Variants in NCK1 observed in about 807,000 individuals in gnomAD.
NCK1 encodes SH2/SH3 adapter protein NCK1.
In NCK1, 19 loss-of-function variants were observed where a neutral mutation model predicts 36.6. That is an observed-to-expected ratio of 0.52 (90% CI 0.36 to 0.76). NCK1 has a LOEUF of 0.76. NCK1 is among the 30% of genes least tolerant of loss of function. The probability of loss-of-function intolerance (pLI) is 0.00; values close to 1 mark genes in which losing one functional copy is unlikely to be tolerated. For missense variants in NCK1, 358 were observed against 445.6 expected (o/e 0.80, Z 1.77); for synonymous variants, 165 against 156.0 (o/e 1.06, Z -0.43).
rs796247962 is a variant in NCK1, at chr3:136,904,132, GT to G, written c.-18-23843del. 2.9e-3 allele frequency among the ~76,000 whole-genome samples: 435 copies of G among 150,826 alleles called. 3 individuals carry two copies. Among genetic ancestry groups the G allele is most frequent in the African/African-American group, 0.01 (416 of 41,080 alleles). On this transcript the variant is annotated intron_variant, in intron 1 of 3. Transcript: ENST00000481752. ...CTGGGTATAGTATCCTTGACTGACA[GT>G]TTTTTTTTCATTGAGCACTTTTTAA...
intron 1 of NCK1, among the ~76,000 whole-genome samples, chr3:136,917,752 C>T (rs534853456): frequency 3.3e-5 from 5 of 152,232 alleles, no homozygotes; most frequent in Non-Finnish European, 5.9e-5. Flanking sequence ...ACAGCACTTA[C>T]GAGTTAGAGG....
In NCK1 at chr3:136,863,365, C is replaced by T. The variant is rs559988767; in HGVS notation, c.-19+1012C>T. 3.3e-5 allele frequency among the ~76,000 whole-genome samples: 5 copies of T among 152,334 alleles called. No homozygotes were observed. In the South Asian group the frequency reaches 8.3e-4, roughly 25 times the overall value. ...CTTCAGCACCTGGAAACCAGTGTGC[C>T]TAGACTCTCAGCCTTCGGCGAGGTC... On this transcript the variant is annotated intron_variant, in intron 1 of 3. Coordinates refer to ENST00000481752, the MANE Select transcript of NCK1 (RefSeq NM_001291999.2).
At chr3:136,868,867 C>T (rs1393724323) in intron 1 of NCK1, among the ~76,000 whole-genome samples, 1 of 152,144 alleles carries the variant, frequency 6.6e-6, no homozygotes, top group African/African-American at 2.4e-5. Flanking sequence ...ACTGTAACAC[C>T]TTCACATTTT....
chr3:136,891,565 G>A lies in NCK1; in HGVS notation c.-19+29212G>A, dbSNP rs142391029. ...TGGGTTTGTATCCATAAGTGAAATT[G>A]CTGGATTGTATGGTAATTTTGTTTC... On this transcript the variant is annotated intron_variant, in intron 1 of 3. Coordinates refer to ENST00000481752, the MANE Select transcript of NCK1 (RefSeq NM_001291999.2). 3.9e-5 allele frequency among the ~76,000 whole-genome samples: 6 copies of A among 152,288 alleles called. 1 individual carries two copies. The East Asian group carries it at 7.7e-4, about 20-fold the overall frequency.
intron 1 of NCK1, among the ~76,000 whole-genome samples, chr3:136,914,042 G>T (rs1382531131): frequency 1.3e-5 from 2 of 152,176 alleles, no homozygotes. Context: ...CAAAAAGGGA[G>T]AAAGAGAAAA....
chr3:136,877,844 A>G (rs1553791158), intron 1 of NCK1, among the ~76,000 whole-genome samples: 1 of 152,158 alleles, frequency 6.6e-6, no homozygotes, highest in Non-Finnish European at 1.5e-5. Flanking sequence ...GGGTGGTGCT[A>G]AAAACAGGAG....
At chr3:136,877,528 TA>T (rs1235962488) in intron 1 of NCK1, among the ~76,000 whole-genome samples, 2 of 152,160 alleles carry the variant, frequency 1.3e-5, no homozygotes, top group Non-Finnish European at 2.9e-5. Context: ...GAATGAAGGC[TA>T]AAAATAATTG....
At chr3:136,898,320 C>G (rs1306009061) in intron 1 of NCK1, among the ~76,000 whole-genome samples, 1 of 150,998 alleles carries the variant, frequency 6.6e-6, no homozygotes, top group Non-Finnish European at 1.5e-5. Context: ...TCACTTGAAC[C>G]CGGGAGGCGG....
intron 1 of NCK1, among the ~76,000 whole-genome samples, chr3:136,923,314 G>GA (rs1370762981): frequency 3.8e-5 from 3 of 79,594 alleles, no homozygotes; most frequent in Non-Finnish European, 8.5e-5. Context: ...CCAGCACTTT[G>GA]GGAGGCCGAG....
At chr3:136,940,056 T>C (rs987863000) in intron 2 of NCK1, among the ~76,000 whole-genome samples, 1 of 151,994 alleles carries the variant, frequency 6.6e-6, no homozygotes, top group African/African-American at 2.4e-5. Context: ...AGAGACAAGG[T>C]CTCACCATCT....
At chr3:136,931,206 G>A (rs531366269) in intron 2 of NCK1, among the ~76,000 whole-genome samples, 42 of 152,184 alleles carry the variant, frequency 2.8e-4, no homozygotes, top group African/African-American at 9.6e-4. Flanking sequence ...TTGAGTTTGG[G>A]TCATGAAGTA....
intron 2 of NCK1, among the ~76,000 whole-genome samples, 182 bp from the exon 3 acceptor site, chr3:136,945,401 A>T (rs1940784624): frequency 6.6e-6 from 1 of 152,252 alleles, no homozygotes; most frequent in Non-Finnish European, 1.5e-5. Flanking sequence ...TTTGGTTAAG[A>T]AAAAGAAAAT....
At chr3:136,916,383 T>C (rs1226542283) in intron 1 of NCK1, among the ~76,000 whole-genome samples, 1 of 152,216 alleles carries the variant, frequency 6.6e-6, no homozygotes, top group Non-Finnish European at 1.5e-5. Context: ...GTTTTATGTA[T>C]GTGAACTCAC....
At chr3:136,933,778 C>T (rs1940452668) in intron 2 of NCK1, among the ~76,000 whole-genome samples, 1 of 152,192 alleles carries the variant, frequency 6.6e-6, no homozygotes, top group African/African-American at 2.4e-5. Flanking sequence ...CATCTCAGCT[C>T]ACTGCCACTT....
At chr3:136,911,689 T>G (rs1393380108) in intron 1 of NCK1, among the ~76,000 whole-genome samples, 1 of 152,238 alleles carries the variant, frequency 6.6e-6, no homozygotes, top group African/African-American at 2.4e-5. Context: ...GTGTGCTGTC[T>G]CTTCGCTTTG....
chr3:136,904,202 G>T (rs1939621254), intron 1 of NCK1, among the ~76,000 whole-genome samples: 1 of 152,066 alleles, frequency 6.6e-6, no homozygotes, highest in Admixed American at 6.6e-5. Flanking sequence ...ACCTAGGCTG[G>T]AGTGCAGTGG....
At chr3:136,879,967 T>C (rs576214146) in intron 1 of NCK1, among the ~76,000 whole-genome samples, 1 of 134,738 alleles carries the variant, frequency 7.4e-6, no homozygotes, top group Non-Finnish European at 1.5e-5. Flanking sequence ...TGTGCACATG[T>C]ACCCTAGAAC....
At chr3:136,884,540 A>G (rs1939024913) in intron 1 of NCK1, among the ~76,000 whole-genome samples, 1 of 152,062 alleles carries the variant, frequency 6.6e-6, no homozygotes, top group South Asian at 2.1e-4. Flanking sequence ...TCCTGGGTTC[A>G]GGCGATTCTT....
chr3:136,887,166 A>G (rs1036509303), intron 1 of NCK1, among the ~76,000 whole-genome samples: 2 of 151,914 alleles, frequency 1.3e-5, no homozygotes, highest in Non-Finnish European at 2.9e-5. Flanking sequence ...ATTGTGTTTT[A>G]TTTCTTTAGA....
Sources: gnomAD v4.1 joint callset for allele counts (sites outside exome capture counted in the v4.1 genomes callset) on GRCh38, gnomAD v4.1.1 for gene constraint, MANE v1.5 for transcripts, NCBI Gene and HGNC (gene_info 2026-07-23, HGNC 2026-07-21) for gene names.